OTUD7B: variants seen among roughly 807,000 people sequenced by gnomAD.
OTUD7B encodes OTU domain-containing protein 7B.
A neutral mutation model predicts 82.2 loss-of-function variants in OTUD7B; 34 were observed. The observed-to-expected ratio is 0.41, with a 90% CI of 0.31 to 0.55. The LOEUF is 0.55. OTUD7B is among the 20% of genes least tolerant of loss of function. The probability of loss-of-function intolerance (pLI) is 0.20; values close to 1 mark genes in which losing one functional copy is unlikely to be tolerated. For synonymous variants in OTUD7B, 398 were observed against 402.7 expected (o/e 0.99, Z 0.14); for missense variants, 944 against 1,062.1 (o/e 0.89, Z 1.55).
At position 149,944,488 on chromosome 1, in the gene OTUD7B, T is replaced by G; in HGVS notation, c.1901A>C (p.Asp634Ala). ...TTCTGCCAGGAATCTCTCCTCAGCA[T>G]CAGAAAGGTAGCGCTGGATCATTTC... ...QEEMIQRYLS[D>A]AEERFLAEQK... The change falls in exon 12 of 12, where the codon GAT becomes GCT. Residue 634 changes from aspartate (D) to alanine (A), a missense_variant. Asp to Ala is a moderately radical substitution (Grantham distance 126, BLOSUM62 -2). Transcript: ENST00000581312. 6.2e-7 allele frequency: 1 copy of G among 1,614,140 alleles called. No individual in the cohort carries two copies. Among genetic ancestry groups the G allele is most frequent in the Non-Finnish European group, 8.5e-7 (1 of 1,180,030 alleles).
chr1:149,954,248 T>TA (rs1648489481), intron 7 of OTUD7B, among the ~76,000 whole-genome samples: 1 of 152,238 alleles, frequency 6.6e-6, no homozygotes, highest in Non-Finnish European at 1.5e-5. Flanking sequence ...TGAGAGTTTT[T>TA]AGCATGAAGG....
chr1:150,006,484 A>C (rs1190967746), intron 1 of OTUD7B, among the ~76,000 whole-genome samples: 1 of 152,184 alleles, frequency 6.6e-6, no homozygotes, highest in Non-Finnish European at 1.5e-5. Context: ...GCAAAGAATT[A>C]AACTCATAGT....
the OTUD7B span, among the ~76,000 whole-genome samples, chr1:150,021,398 T>C: frequency 2.2e-4 from 33 of 152,252 alleles, no homozygotes; most frequent in Admixed American, 3.9e-4. Flanking sequence ...TGTAAAACTA[T>C]ATTTGGGGAG....
chr1:149,956,106 A>G (rs1285889165), intron 7 of OTUD7B, among the ~76,000 whole-genome samples: 2 of 152,168 alleles, frequency 1.3e-5, no homozygotes, highest in Non-Finnish European at 2.9e-5. Context: ...TTTGCTCGTT[A>G]GTTGATGCAG....
chr1:149,949,101 TATC>T lies in OTUD7B; in HGVS notation c.1124-21_1124-19del, dbSNP rs782066791. The T allele has an allele frequency of 2.6e-5, 38 of 1,447,962 alleles. 1 individual carries two copies. In the South Asian group the frequency reaches 3.8e-4, roughly 14 times the overall value. The allele number at this position is 1,447,962 out of a possible 1,614,324, so 89.7% of individuals were successfully genotyped here. A position where few individuals can be genotyped will look rare whatever the true frequency, so the allele number is the denominator to read the frequency against. ...GATCACAGCTGGAGAGGAAGAAACA[TATC>T]ATCAAGGAATCTCCTTAAGAGAGAA... On this transcript the variant is annotated intron_variant, in intron 9 of 11. Coordinates refer to ENST00000581312, the MANE Select transcript of OTUD7B (RefSeq NM_020205.4).
At chr1:150,013,947 T>TAC (rs1219362552), upstream of OTUD7B, among the ~76,000 whole-genome samples, 937 of 104,316 alleles carry the variant, frequency 9.0e-3, 40 homozygotes, top group African/African-American at 0.026. Context: ...AATATATATA[T>TAC]ACACACACAC....
intron 3 of OTUD7B, among the ~76,000 whole-genome samples, chr1:149,970,472 C>G (rs1161070001): frequency 1.3e-5 from 2 of 151,926 alleles, no homozygotes. Context: ...GCATGTACCA[C>G]CACGCCCAGC....
At chr1:150,007,111 C>A (rs1280006237) in intron 1 of OTUD7B, among the ~76,000 whole-genome samples, 2 of 152,200 alleles carry the variant, frequency 1.3e-5, no homozygotes, top group Non-Finnish European at 2.9e-5. Flanking sequence ...ATATTCCCCC[C>A]ACTCACAACT....
At chr1:150,062,872 G>A in the OTUD7B span, among the ~76,000 whole-genome samples, 3 of 151,214 alleles carry the variant, frequency 2.0e-5, no homozygotes, top group African/African-American at 4.9e-5. Context: ...GCACCACCAC[G>A]CCCGGCTAAT....
chr1:150,050,193 C>T, the OTUD7B span, among the ~76,000 whole-genome samples: 1 of 137,176 alleles, frequency 7.3e-6, no homozygotes, highest in Non-Finnish European at 1.6e-5. Flanking sequence ...GACCCTGTCT[C>T]AAAAAAAAAA....
chr1:149,954,655 C>T (rs1425602198), intron 7 of OTUD7B, among the ~76,000 whole-genome samples: 2 of 152,076 alleles, frequency 1.3e-5, no homozygotes, highest in African/African-American at 2.4e-5. Context: ...TGGTAGAATT[C>T]GGCTGTGAAT....
chr1:149,952,976 A>G (rs1430316376), intron 7 of OTUD7B, among the ~76,000 whole-genome samples: 4 of 151,774 alleles, frequency 2.6e-5, no homozygotes, highest in Non-Finnish European at 4.4e-5. Flanking sequence ...GATTGCAAAA[A>G]TTTTCTCCCA....
At chr1:150,039,386 A>AGT in the OTUD7B span, among the ~76,000 whole-genome samples, 1 of 79,008 alleles carries the variant, frequency 1.3e-5, no homozygotes, top group South Asian at 3.6e-4. Flanking sequence ...TTAAAAAAAA[A>AGT]ATTTTTTTTG....
the OTUD7B span, among the ~76,000 whole-genome samples, chr1:150,059,851 T>C: frequency 6.6e-6 from 1 of 152,122 alleles, no homozygotes; most frequent in Non-Finnish European, 1.5e-5. Flanking sequence ...TAAAACTTAA[T>C]AACAATGTAA....
the OTUD7B span, among the ~76,000 whole-genome samples, chr1:150,033,960 T>G: frequency 6.6e-6 from 1 of 152,120 alleles, no homozygotes; most frequent in Non-Finnish European, 1.5e-5. Context: ...GACCTTATGA[T>G]CCGCCCACCT....
At chr1:149,949,936 C>T (rs41265185) in intron 8 of OTUD7B, among the ~76,000 whole-genome samples, 158 bp from the exon 9 acceptor site, 7,098 of 152,328 alleles carry the variant, frequency 0.047, 211 homozygotes, top group Non-Finnish European at 0.072. Context: ...AACTGCTTTA[C>T]TCAGAATCTC....
At chr1:150,009,317 G>C (rs587743926) in intron 1 of OTUD7B, among the ~76,000 whole-genome samples, 106 of 152,224 alleles carry the variant, frequency 7.0e-4, no homozygotes, top group African/African-American at 2.5e-3. Flanking sequence ...GCAACTCTTT[G>C]GAGCCAGTCT....
chr1:149,950,755 T>C (rs1046163775), intron 7 of OTUD7B, among the ~76,000 whole-genome samples: 25 of 151,672 alleles, frequency 1.6e-4, no homozygotes, highest in Non-Finnish European at 3.7e-4. Flanking sequence ...AGTAGTCACG[T>C]GATTTAACCA....
At chr1:149,993,192 CTCACAT>C (rs782240232) in intron 1 of OTUD7B, among the ~76,000 whole-genome samples, 32 of 152,158 alleles carry the variant, frequency 2.1e-4, no homozygotes, top group Non-Finnish European at 4.4e-4. Flanking sequence ...AATAACTTCC[CTCACAT>C]TCACATTTAT....
Sources: gnomAD v4.1 joint callset for allele counts (sites outside exome capture counted in the v4.1 genomes callset) on GRCh38, gnomAD v4.1.1 for gene constraint, MANE v1.5 for transcripts, NCBI Gene and HGNC (gene_info 2026-07-23, HGNC 2026-07-21) for gene names.